The following NRXN1 variants were observed in gnomAD, a reference collection of about 807,000 sequenced individuals.
NRXN1 encodes the protein neurexin-1.
Under a neutral mutation model 150.9 loss-of-function variants are expected in NRXN1, and 39 were observed. The ratio of observed to expected loss-of-function variants is 0.26; its 90% CI spans 0.20 to 0.34. NRXN1 has a LOEUF of 0.34. Among genes scored for constraint, NRXN1 ranks in the 10% least tolerant of loss-of-function variants. NRXN1 has a pLI of 1.00. For missense variants in NRXN1, 1,815 were observed against 1,949.9 expected (o/e 0.93, Z 1.30); for synonymous variants, 924 against 757.0 (o/e 1.22, Z -3.62).
intron 17 of NRXN1, among the ~76,000 whole-genome samples, chr2:50,245,537 G>A (rs2066420217): frequency 6.6e-6 from 1 of 151,756 alleles, no homozygotes; most frequent in Non-Finnish European, 1.5e-5. Flanking sequence ...ACATCATCAG[G>A]AACTTTAAGA....
intron 5 of NRXN1, among the ~76,000 whole-genome samples, chr2:50,897,269 G>A (rs567843497): frequency 4.6e-5 from 7 of 152,272 alleles, no homozygotes; most frequent in Middle Eastern, 3.4e-3. Context: ...AATGCCAAAC[G>A]TCGTACTGTG....
chr2:50,457,216 C>A (rs898341233), intron 17 of NRXN1, among the ~76,000 whole-genome samples: 18 of 152,022 alleles, frequency 1.2e-4, no homozygotes, highest in Non-Finnish European at 2.5e-4. Context: ...GCCAACTGAG[C>A]AGTTGAGGGG....
intron 17 of NRXN1, among the ~76,000 whole-genome samples, chr2:50,291,833 T>C (rs149450200): frequency 9.7e-4 from 148 of 152,274 alleles, no homozygotes; most frequent in African/African-American, 3.3e-3. Context: ...CAAAGGACTA[T>C]TGGTATTTAC....
chr2:51,010,230 T>G (rs566006252), intron 2 of NRXN1, among the ~76,000 whole-genome samples: 1 of 152,082 alleles, frequency 6.6e-6, no homozygotes, highest in Non-Finnish European at 1.5e-5. Flanking sequence ...TTATAAATAT[T>G]TATCCTTCAA....
intron 17 of NRXN1, among the ~76,000 whole-genome samples, chr2:50,376,476 A>G (rs1178921507): frequency 1.3e-5 from 2 of 152,100 alleles, no homozygotes; most frequent in African/African-American, 2.4e-5. Flanking sequence ...ATACTCAAAC[A>G]TTGAGAAATT....
chr2:50,589,289 T>C (rs1673719010), intron 8 of NRXN1: 2 of 152,374 alleles, frequency 1.3e-5, no homozygotes, highest in South Asian at 4.1e-4. Flanking sequence ...ATTGTCACAA[T>C]GAAGTTAATA....
At chr2:51,024,971 C>A (rs1670201403) in intron 2 of NRXN1, among the ~76,000 whole-genome samples, 1 of 152,052 alleles carries the variant, frequency 6.6e-6, no homozygotes, top group South Asian at 2.1e-4. Flanking sequence ...CTATCCCTAG[C>A]CATTAATACA....
At chr2:50,450,789 G>A (rs925881515) in intron 17 of NRXN1, among the ~76,000 whole-genome samples, 3 of 152,146 alleles carry the variant, frequency 2.0e-5, no homozygotes, top group African/African-American at 7.2e-5. Flanking sequence ...CAGAGAGACA[G>A]AATTCACTAA....
At chr2:49,967,479 C>T (rs547897772) in intron 21 of NRXN1, among the ~76,000 whole-genome samples, 8 of 151,978 alleles carry the variant, frequency 5.3e-5, no homozygotes, top group Non-Finnish European at 1.2e-4. Flanking sequence ...CAAATTCCTC[C>T]CCACTTTTGT....
At chr2:50,783,807 T>A (rs1206331579) in intron 5 of NRXN1, among the ~76,000 whole-genome samples, 1 of 152,150 alleles carries the variant, frequency 6.6e-6, no homozygotes, top group Non-Finnish European at 1.5e-5. Context: ...CATATCCATA[T>A]CCCTTACCTT....
At chr2:50,698,027 A>G (rs1384220687) in intron 5 of NRXN1, among the ~76,000 whole-genome samples, 1 of 152,170 alleles carries the variant, frequency 6.6e-6, no homozygotes, top group Non-Finnish European at 1.5e-5. Flanking sequence ...ATACCAGTCT[A>G]ATTTTCTTCA....
chr2:50,869,556 A>T (rs1677455677), intron 5 of NRXN1, among the ~76,000 whole-genome samples: 1 of 151,780 alleles, frequency 6.6e-6, no homozygotes, highest in African/African-American at 2.4e-5. Context: ...GTTAAATCAA[A>T]TTTTAAAGAA....
chr2:50,590,459 T>G (rs1673977637), intron 8 of NRXN1, among the ~76,000 whole-genome samples: 1 of 152,164 alleles, frequency 6.6e-6, no homozygotes, highest in Non-Finnish European at 1.5e-5. Context: ...CTTAATACCT[T>G]TATATACCTA....
chr2:50,450,662 C>T (rs2086873986), intron 17 of NRXN1, among the ~76,000 whole-genome samples: 1 of 152,144 alleles, frequency 6.6e-6, no homozygotes, highest in South Asian at 2.1e-4. Context: ...TTTCTCTTTT[C>T]TCATAAGTTA....
At chr2:50,068,404 A>G (rs1695696787) in intron 19 of NRXN1, among the ~76,000 whole-genome samples, 3 of 151,922 alleles carry the variant, frequency 2.0e-5, no homozygotes, top group Admixed American at 1.3e-4. Flanking sequence ...CTTTCCCCTA[A>G]TACAAGTTAA....
chr2:50,580,417 C>T (rs1429353430), intron 8 of NRXN1, among the ~76,000 whole-genome samples: 2 of 152,176 alleles, frequency 1.3e-5, no homozygotes, highest in Non-Finnish European at 1.5e-5. Flanking sequence ...TAATTCAACA[C>T]ATTGGTGTTA....
chr2:50,307,609 T>C (rs74754486), intron 17 of NRXN1, among the ~76,000 whole-genome samples: 13,182 of 152,258 alleles, frequency 0.087, 668 homozygotes, highest in Middle Eastern at 0.14. Context: ...TAAACAATTT[T>C]ATTTTTCCTT....
intron 7 of NRXN1, 200 bp downstream of exon 7, chr2:50,621,026 A>C: frequency 1.9e-6 from 1 of 527,250 alleles, no homozygotes. Context: ...GTTGGAAAAC[A>C]GAAGTTGACA....
intron 21 of NRXN1, among the ~76,000 whole-genome samples, chr2:49,990,231 A>C (rs1160342034): frequency 6.6e-6 from 1 of 152,138 alleles, no homozygotes; most frequent in South Asian, 2.1e-4. Flanking sequence ...CAGGGGGAAA[A>C]ACATTTCTGT....
Sources: gnomAD v4.1 joint callset for allele counts (sites outside exome capture counted in the v4.1 genomes callset) on GRCh38, gnomAD v4.1.1 for gene constraint, MANE v1.5 for transcripts, NCBI Gene and HGNC (gene_info 2026-07-23, HGNC 2026-07-21) for gene names.